Variants in SLC22A25 observed in about 807,000 individuals in gnomAD.
SLC22A25 encodes solute carrier family 22 member 25, also known as MGI:2442751, MGI:2385316, MGI:3042283, MGI:3645714, MGI:3605624, MGI:2442750.
Under a neutral mutation model 45.9 loss-of-function variants are expected in SLC22A25, and 44 were observed. The ratio of observed to expected loss-of-function variants is 0.96; its 90% CI spans 0.75 to 1.23. The LOEUF (loss-of-function observed/expected upper bound fraction) is 1.23, where lower values mean the gene tolerates loss of function less well. SLC22A25 is among the 50% of genes most tolerant of loss of function. SLC22A25 has a pLI of 0.00. For missense variants in SLC22A25, 800 were observed against 666.4 expected, an observed-to-expected ratio of 1.20 and a Z score of -2.21; for synonymous variants, 283 against 238.6, an observed-to-expected ratio of 1.19 and a Z score of -1.72.
chr11:63,237,516 C>T (rs775062243), intron 3 of SLC22A25, among the ~76,000 whole-genome samples: 5 of 152,158 alleles, frequency 3.3e-5, no homozygotes, highest in Non-Finnish European at 7.3e-5. Flanking sequence ...TGATGCCAAA[C>T]TCTTGGACTT....
intron 7 of SLC22A25, among the ~76,000 whole-genome samples, chr11:63,191,957 T>TCAGGAAATG (rs138178121): frequency 1.3e-5 from 2 of 152,096 alleles, no homozygotes; most frequent in African/African-American, 2.4e-5. Flanking sequence ...ACATTCAAAT[T>TCAGGAAATG]CAGGAAATGC....
At chr11:63,243,134 A>T (rs567324439) in intron 1 of SLC22A25, 24 of 178,674 alleles carry the variant, frequency 1.3e-4, no homozygotes, top group African/African-American at 5.5e-4. Flanking sequence ...GCCACGAGGG[A>T]CTGCAACCTA....
At chr11:63,215,878 G>A (rs907619567) in intron 7 of SLC22A25, among the ~76,000 whole-genome samples, 2 of 151,980 alleles carry the variant, frequency 1.3e-5, no homozygotes, top group Non-Finnish European at 1.5e-5. Flanking sequence ...ATTTGGTTTT[G>A]TGTTCTTGTA....
In SLC22A25 at chr11:63,166,251, T is replaced by C. The variant is rs2087679748; in HGVS notation, c.1078A>G (p.Ser360Gly). The C allele has an allele frequency of 6.2e-7, 1 of 1,613,784 alleles. No individual in the cohort carries two copies. Residue 360 changes from serine to glycine, a missense_variant, in exon 10 of 12, where the codon AGT becomes GGT. By Grantham distance (56) the Ser-to-Gly change is moderately conservative. Coordinates refer to ENST00000306494, the MANE Select transcript of SLC22A25 (RefSeq NM_199352.6). ...GTAAGGCCCCAAAAAGGGATGGTAC[T>C]TGCAAATCTGCAGGGAACACAGAAA... is the stretch of plus-strand genomic sequence containing the variant. ...ICFLSFVRFA[S>G]TIPFWGLTLH... is the part of the protein sequence containing the mutation.
intron 9 of SLC22A25, chr11:63,167,895 C>G (rs1006555990): frequency 5.8e-6 from 2 of 347,612 alleles, no homozygotes; most frequent in African/African-American, 4.5e-5. Flanking sequence ...CAGGGGTCAA[C>G]AGACACTTCA....
At chr11:63,243,249 G>A (rs1459084101) in intron 1 of SLC22A25, 185 bp downstream of exon 1, 9 of 367,512 alleles carry the variant, frequency 2.4e-5, no homozygotes, top group Non-Finnish European at 3.7e-5. Flanking sequence ...AGCCGTACAT[G>A]CACAGGATGG....
At chr11:63,214,351 G>T (rs1485149693) in intron 7 of SLC22A25, among the ~76,000 whole-genome samples, 1 of 152,180 alleles carries the variant, frequency 6.6e-6, no homozygotes, top group African/African-American at 2.4e-5. Flanking sequence ...AAACAGTGGT[G>T]CTTTCTATTA....
intron 3 of SLC22A25, among the ~76,000 whole-genome samples, chr11:63,233,242 C>T (rs565716392): frequency 5.3e-5 from 8 of 152,180 alleles, no homozygotes; most frequent in Non-Finnish European, 8.8e-5. Context: ...TGGTAGAATT[C>T]GGCTGTGAAC....
At chr11:63,193,802 C>T (rs750511801) in intron 7 of SLC22A25, among the ~76,000 whole-genome samples, 3 of 152,146 alleles carry the variant, frequency 2.0e-5, no homozygotes, top group African/African-American at 4.8e-5. Context: ...CAAAGCTGGA[C>T]GGAGGTGACT....
chr11:63,237,723 C>G (rs1361711030), intron 3 of SLC22A25, among the ~76,000 whole-genome samples, 158 bp downstream of exon 3: 2 of 152,172 alleles, frequency 1.3e-5, no homozygotes, highest in Non-Finnish European at 2.9e-5. Flanking sequence ...GTCTTGTACA[C>G]AACACTCAGT....
rs1268090393 is a variant in SLC22A25, at chr11:63,230,029, A to T, written c.-377T>A. On this transcript the variant is annotated 5_prime_UTR_variant, in exon 4 of 12. Transcript: ENST00000306494. ...GTAAACAAACTAAAATAAATCTGCTACTTGGTATGCAGTCTTTCCAGAACG... is the reference window on the plus strand; with the variant it reads ...GTAAACAAACTAAAATAAATCTGCTTCTTGGTATGCAGTCTTTCCAGAACG... 6.6e-6 allele frequency among the ~76,000 whole-genome samples: 1 copy of T among 152,238 alleles called. No homozygotes were observed.
chr11:63,242,879 G>A (rs2090272888), intron 1 of SLC22A25, among the ~76,000 whole-genome samples: 1 of 152,154 alleles, frequency 6.6e-6, no homozygotes, highest in African/African-American at 2.4e-5. Context: ...AGGCAGGGAA[G>A]CTCTGCTCGC....
chr11:63,227,976 C>G (rs1207035832), intron 5 of SLC22A25, among the ~76,000 whole-genome samples: 1 of 152,224 alleles, frequency 6.6e-6, no homozygotes, highest in Non-Finnish European at 1.5e-5. Context: ...TGCACAGATT[C>G]TCTGTGCCAC....
At chr11:63,192,458 A>C (rs2088850007) in intron 7 of SLC22A25, among the ~76,000 whole-genome samples, 1 of 152,238 alleles carries the variant, frequency 6.6e-6, no homozygotes, top group Non-Finnish European at 1.5e-5. Context: ...AGTTAGCATC[A>C]TGATGACAGG....
chr11:63,188,625 T>C (rs1319923002), intron 7 of SLC22A25, among the ~76,000 whole-genome samples: 1 of 152,210 alleles, frequency 6.6e-6, no homozygotes, highest in Non-Finnish European at 1.5e-5. Context: ...CTAGTTCTTT[T>C]AATTGCGGTG....
intron 9 of SLC22A25, among the ~76,000 whole-genome samples, chr11:63,168,491 A>G (rs1390980907): frequency 1.3e-5 from 2 of 152,220 alleles, no homozygotes; most frequent in Non-Finnish European, 2.9e-5. Flanking sequence ...ATGGAGCTGA[A>G]AAACACAGCA....
At chr11:63,173,329 A>C (rs1341991177) in intron 9 of SLC22A25, among the ~76,000 whole-genome samples, 2 of 152,176 alleles carry the variant, frequency 1.3e-5, no homozygotes, top group Non-Finnish European at 2.9e-5. Context: ...GCACATGTAT[A>C]CCAATGTAAC....
At chr11:63,243,248 T>A (rs1442300463) in intron 1 of SLC22A25, 186 bp downstream of exon 1, 2 of 363,616 alleles carry the variant, frequency 5.5e-6, no homozygotes, top group Non-Finnish European at 1.1e-5. Flanking sequence ...CAGCCGTACA[T>A]GCACAGGATG....
intron 7 of SLC22A25, among the ~76,000 whole-genome samples, chr11:63,185,246 C>T (rs55794503): frequency 0.017 from 2,598 of 152,004 alleles, 41 homozygotes; most frequent in Middle Eastern, 0.037. Context: ...ATTAACTCGT[C>T]ATTTAACATT....
Sources: gnomAD v4.1 joint callset for allele counts (sites outside exome capture counted in the v4.1 genomes callset) on GRCh38, gnomAD v4.1.1 for gene constraint, MANE v1.5 for transcripts, NCBI Gene and HGNC (gene_info 2026-07-23, HGNC 2026-07-21) for gene names.